Variants in TMEM87B observed in about 807,000 individuals in gnomAD.
The protein encoded by TMEM87B is transmembrane protein 87B.
Under a neutral mutation model 80.3 loss-of-function variants are expected in TMEM87B, and 83 were observed. The ratio of observed to expected loss-of-function variants is 1.03; its 90% confidence interval spans 0.87 to 1.24. TMEM87B has a LOEUF of 1.24. TMEM87B is among the 50% of genes most tolerant of loss of function. The probability of loss-of-function intolerance (pLI) is 0.00; values close to 1 mark genes in which losing one functional copy is unlikely to be tolerated. For missense variants in TMEM87B, 625 were observed against 674.4 expected, an observed-to-expected ratio of 0.93 and a Z score of 0.81; for synonymous variants, 219 against 230.5, an observed-to-expected ratio of 0.95 and a Z score of 0.45.
chr2:112,096,758 G>A (rs544977554), intron 11 of TMEM87B, among the ~76,000 whole-genome samples: 8 of 152,366 alleles, frequency 5.3e-5, no homozygotes, highest in Admixed American at 1.3e-4. Flanking sequence ...GCTCTATCCC[G>A]TGTTGCGGGT....
intron 4 of TMEM87B, 84 bp from the exon 5 acceptor site, chr2:112,074,828 T>C: frequency 7.2e-7 from 1 of 1,388,092 alleles, no homozygotes; most frequent in Non-Finnish European, 9.5e-7. Flanking sequence ...ATTTTTCTTC[T>C]AACTTTTTTT....
chr2:112,083,374 A>G (rs1679057381), intron 8 of TMEM87B, among the ~76,000 whole-genome samples: 1 of 152,226 alleles, frequency 6.6e-6, no homozygotes, highest in African/African-American at 2.4e-5. Context: ...GCCACAAGCC[A>G]CATCTGGGTA....
intron 1 of TMEM87B, among the ~76,000 whole-genome samples, chr2:112,056,654 G>A (rs751239233): frequency 2.0e-5 from 3 of 152,158 alleles, no homozygotes; most frequent in Non-Finnish European, 4.4e-5. Flanking sequence ...CTAAAGATGA[G>A]ACTTATATTT....
intron 10 of TMEM87B, among the ~76,000 whole-genome samples, 172 bp downstream of exon 10, chr2:112,089,890 G>A (rs932658101): frequency 2.0e-5 from 3 of 152,220 alleles, no homozygotes; most frequent in Non-Finnish European, 4.4e-5. Flanking sequence ...GCAAAGGCTA[G>A]ACAGAGTGCT....
rs1273565442 is a variant in TMEM87B, at chr2:112,081,458, A to G, written c.778A>G (p.Met260Val). 6.2e-7 allele frequency: 1 copy of G among 1,613,410 alleles called. No individual in the cohort carries two copies. Among genetic ancestry groups the G allele is most frequent in the Non-Finnish European group, 8.5e-7 (1 of 1,179,912 alleles). The change falls in exon 8 of 19, where the codon ATG (methionine) becomes GTG (valine). Residue 260 changes from methionine to valine, a missense_variant. Met to Val is a conservative substitution (Grantham distance 21). Transcript: ENST00000283206. The stretch of plus-strand genomic sequence containing the variant: ...GATTGCAGCTGTTATTTTTTTGGGA[A>G]TGCTTGAAAAAGCAGTTTTTTATAG... ...FWIAAVIFLG[M>V]LEKAVFYSEY...
chr2:112,109,664 CTTTT>C (rs561752709), intron 17 of TMEM87B, among the ~76,000 whole-genome samples: 3 of 46,340 alleles, frequency 6.5e-5, no homozygotes, highest in Non-Finnish European at 8.6e-5. Flanking sequence ...TAAGTATGGT[CTTTT>C]TTTTTTTTTT....
intron 14 of TMEM87B, 36 bp downstream of exon 14, chr2:112,098,734 T>C (rs1436256040): frequency 6.3e-7 from 1 of 1,585,300 alleles, no homozygotes; most frequent in East Asian, 2.2e-5. Flanking sequence ...CGTCAAGGAT[T>C]TGTTGATCAC....
intron 9 of TMEM87B, among the ~76,000 whole-genome samples, chr2:112,087,434 G>GT (rs1418859831): frequency 1.1e-4 from 17 of 150,634 alleles, no homozygotes; most frequent in East Asian, 5.9e-4. Flanking sequence ...CTGACCTTCG[G>GT]TTTTTTTTTC....
rs1260202632 is a variant in TMEM87B, at chr2:112,097,052, T to G, written c.1113T>G (p.Ile371Met). Residue 371 changes from isoleucine to methionine, a missense_variant, in exon 12 of 19, where the codon ATT (isoleucine) becomes ATG (methionine). Coordinates refer to ENST00000283206, the MANE Select transcript of TMEM87B (RefSeq NM_032824.3). ...IDSIFVWFIF[I>M]SLAQTMKTLR... is the part of the protein sequence containing the mutation. ...TCCTTAACTTTTTTCACATTTTTAT[T>G]AGTTTGGCACAAACTATGAAGACCC... 1.3e-6 allele frequency: 2 copies of G among 1,581,378 alleles called. No homozygotes were observed. Among genetic ancestry groups the G allele is most frequent in the African/African-American group, 2.7e-5 (2 of 72,860 alleles).
chr2:112,055,412 C>A lies in TMEM87B; in HGVS notation c.-180C>A. On this transcript the variant is annotated 5_prime_UTR_variant, in exon 1 of 19. In the 5' UTR this introduces an upstream ATG that the reference lacks. Coordinates refer to ENST00000283206, the MANE Select transcript of TMEM87B (RefSeq NM_032824.3). ...GAGCCCTAAGCCCTGCCTCCCGGTCCTGGCCGGGTTTCCCAGAACTGCACG... is the reference window on the plus strand; with the variant it reads ...GAGCCCTAAGCCCTGCCTCCCGGTCATGGCCGGGTTTCCCAGAACTGCACG... 2 of 674,628 alleles carry A rather than the reference C, an allele frequency of 3.0e-6. No individual in the cohort carries two copies. Among genetic ancestry groups the A allele is most frequent in the Non-Finnish European group, 4.6e-6 (2 of 435,612 alleles). The allele number at this position is 674,628 out of a possible 1,614,324, so 41.8% of individuals were successfully genotyped here. A position where few individuals can be genotyped will look rare whatever the true frequency, so the allele number is the denominator to read the frequency against.
intron 11 of TMEM87B, chr2:112,095,165 C>CTTCTTTTTTTTTTTTTTTTTT (rs1679423705): frequency 1.8e-6 from 1 of 540,868 alleles, no homozygotes; most frequent in Non-Finnish European, 2.1e-6. Context: ...TTCTTTCTTT[C>CTTCTTTTTTTTTTTTTTTTTT]TTTTTTTTTT....
intron 5 of TMEM87B, 72 bp downstream of exon 5, chr2:112,075,034 A>G (rs997638305): frequency 3.9e-6 from 6 of 1,521,356 alleles, no homozygotes; most frequent in African/African-American, 1.4e-5. Flanking sequence ...TCGCTGATGG[A>G]TAGATACTTA....
chr2:112,100,127 A>G (rs947791792), intron 14 of TMEM87B, among the ~76,000 whole-genome samples: 3 of 152,178 alleles, frequency 2.0e-5, no homozygotes, highest in Non-Finnish European at 4.4e-5. Context: ...TGTAAGGTAA[A>G]TGAATTTTTA....
intron 3 of TMEM87B, among the ~76,000 whole-genome samples, chr2:112,064,586 T>A (rs1678359223): frequency 6.6e-6 from 1 of 152,248 alleles, no homozygotes; most frequent in Non-Finnish European, 1.5e-5. Flanking sequence ...AAACTAGAAC[T>A]GTATTGAGTA....
At chr2:112,078,300 G>T (rs1357309240) in intron 6 of TMEM87B, among the ~76,000 whole-genome samples, 1 of 152,178 alleles carries the variant, frequency 6.6e-6, no homozygotes, top group Non-Finnish European at 1.5e-5. Flanking sequence ...AGATCAAGGT[G>T]CCACCAAGTT....
chr2:112,099,555 TACACACACACACGC>T (rs1679571900), intron 14 of TMEM87B, among the ~76,000 whole-genome samples: 3 of 73,542 alleles, frequency 4.1e-5, no homozygotes, highest in South Asian at 3.4e-4. Flanking sequence ...TATATATATA[TACACACACACACGC>T]ATATACATAC....
intron 9 of TMEM87B, among the ~76,000 whole-genome samples, chr2:112,088,821 C>T (rs542968065): frequency 6.6e-5 from 10 of 152,148 alleles, no homozygotes; most frequent in South Asian, 2.1e-4. Flanking sequence ...TGCAGTGGTG[C>T]GATCTTGGCT....
chr2:112,095,527 A>T (rs965345447), intron 11 of TMEM87B: 1 of 893,862 alleles, frequency 1.1e-6, no homozygotes, highest in Non-Finnish European at 1.3e-6. Flanking sequence ...TAATCCTAGA[A>T]ATTTGGTTTT....
At chr2:112,066,294 G>C (rs1271567116) in intron 3 of TMEM87B, among the ~76,000 whole-genome samples, 1 of 152,176 alleles carries the variant, frequency 6.6e-6, no homozygotes, top group Non-Finnish European at 1.5e-5. Context: ...TGTCTTATCT[G>C]TCAGTCATCA....
Sources: allele counts gnomAD v4.1 joint callset (sites outside exome capture counted in the v4.1 genomes callset), GRCh38; gene constraint gnomAD v4.1.1; transcripts MANE v1.5; gene names NCBI Gene and HGNC (gene_info 2026-07-23, HGNC 2026-07-21).